Variants in CDK5RAP2 observed in about 807,000 individuals in gnomAD.
The protein encoded by CDK5RAP2 is CDK5 regulatory subunit-associated protein 2.
A neutral mutation model predicts 232.9 loss-of-function variants in CDK5RAP2; 147 were observed. The observed-to-expected ratio is 0.63, with a 90% CI of 0.55 to 0.72. The LOEUF (loss-of-function observed/expected upper bound fraction) is 0.72. Among genes scored for constraint, CDK5RAP2 ranks in the 30% least tolerant of loss-of-function variants. The pLI is 0.00. For missense variants in CDK5RAP2, 2,195 were observed against 2,231.5 expected (o/e 0.98, Z 0.33); for synonymous variants, 833 against 833.7 (o/e 1.00, Z 0.01).
chr9:120,389,656 C>T (rs1298845706), intron 37 of CDK5RAP2, 85 bp downstream of exon 37: 3 of 1,299,122 alleles, frequency 2.3e-6, no homozygotes, highest in Admixed American at 3.4e-5. Flanking sequence ...TCCACCTGCA[C>T]CTTCATTTTT....
At chr9:120,458,992 G>A (rs2036939751) in intron 19 of CDK5RAP2, among the ~76,000 whole-genome samples, 1 of 152,174 alleles carries the variant, frequency 6.6e-6, no homozygotes, top group Non-Finnish European at 1.5e-5. Flanking sequence ...GTGCACAATG[G>A]AAATGTGTTC....
chr9:120,530,412 G>A (rs894395010), intron 7 of CDK5RAP2, among the ~76,000 whole-genome samples: 6 of 152,054 alleles, frequency 3.9e-5, no homozygotes, highest in African/African-American at 9.7e-5. Context: ...TACCTTCAAC[G>A]GTCCCCACCA....
At chr9:120,531,725 T>C (rs1564346778) in intron 7 of CDK5RAP2, among the ~76,000 whole-genome samples, 1 of 152,164 alleles carries the variant, frequency 6.6e-6, no homozygotes, top group East Asian at 1.9e-4. Context: ...GAAGAAAGAT[T>C]TTGCAGTCAG....
At chr9:120,522,235 C>CAT (rs2040700104) in intron 11 of CDK5RAP2, among the ~76,000 whole-genome samples, 1 of 152,172 alleles carries the variant, frequency 6.6e-6, no homozygotes, top group Non-Finnish European at 1.5e-5. Flanking sequence ...ATGTCAATGA[C>CAT]CTGGCAGTGA....
intron 28 of CDK5RAP2, 116 bp from the exon 29 acceptor site, chr9:120,411,590 C>T (rs2033853551): frequency 1.4e-6 from 1 of 690,134 alleles, no homozygotes; most frequent in African/African-American, 1.8e-5. Flanking sequence ...GAAAATCCCT[C>T]CTGTTAACTA....
intron 35 of CDK5RAP2, among the ~76,000 whole-genome samples, chr9:120,397,590 A>G (rs1203533297): frequency 8.0e-5 from 12 of 149,604 alleles, no homozygotes; most frequent in Admixed American, 5.3e-4. Flanking sequence ...AAAAAAGCCC[A>G]ACACAGTATC....
Position 120,580,009 on chromosome 9 carries a change from T to TGTG in CDK5RAP2, c.-34_-32dup, listed in dbSNP as rs769538780. The TGTG allele has an allele frequency of 6.6e-7, 1 of 1,507,568 alleles. No homozygotes were observed. The highest frequency in any genetic ancestry group is 1.1e-5 in the South Asian group (1 of 88,012). The allele number at this position is 1,507,568 out of a possible 1,614,324, so 93.4% of individuals were successfully genotyped here. A position where few individuals can be genotyped will look rare whatever the true frequency, so the allele number is the denominator to read the frequency against. On this transcript the variant is annotated 5_prime_UTR_variant, in exon 1 of 38. Transcript: ENST00000349780. ...CAGAGGTGGCGACAGCGTTGGTGTC[T>TGTG]GTGGCGGCGGCGCCACTAGTACCCC...
chr9:120,393,970 A>C (rs1303815517), intron 36 of CDK5RAP2, among the ~76,000 whole-genome samples: 1 of 152,124 alleles, frequency 6.6e-6, no homozygotes, highest in Non-Finnish European at 1.5e-5. Flanking sequence ...TGCCACCTAC[A>C]GTCTTTCATG....
intron 12 of CDK5RAP2, among the ~76,000 whole-genome samples, chr9:120,512,240 T>C (rs1243889470): frequency 6.6e-6 from 1 of 152,140 alleles, no homozygotes; most frequent in Non-Finnish European, 1.5e-5. Context: ...TCCCAGCTAC[T>C]CAGGAGGCTG....
At chr9:120,477,642 T>C (rs1292397452) in intron 14 of CDK5RAP2, among the ~76,000 whole-genome samples, 192 bp from the exon 15 acceptor site, 44 of 152,166 alleles carry the variant, frequency 2.9e-4, no homozygotes, top group Admixed American at 2.9e-3. Flanking sequence ...TGACTGCCCA[T>C]CACTCATCCC....
At position 120,410,197 on chromosome 9, in the gene CDK5RAP2, CGGA is replaced by C. The variant is rs2033757710; in HGVS notation, c.4415-884_4415-882del. On this transcript the variant is annotated intron_variant, in intron 29 of 37. Coordinates refer to ENST00000349780, the MANE Select transcript of CDK5RAP2 (RefSeq NM_018249.6). Reference sequence around the variant, plus strand: ...GCCAGTAGGTGGCAGAACCAGAATTCGGACTCAGTCTGATTCCATTCTTAAACA... The same window carrying C: ...GCCAGTAGGTGGCAGAACCAGAATTCCTCAGTCTGATTCCATTCTTAAACA... Among the ~76,000 whole-genome samples, 5 of 152,308 alleles carry C rather than the reference CGGA, an allele frequency of 3.3e-5. No homozygotes were observed. The East Asian group carries it at 9.6e-4, about 29-fold the overall frequency.
At chr9:120,409,833 G>C (rs2033733416) in intron 29 of CDK5RAP2, among the ~76,000 whole-genome samples, 1 of 152,250 alleles carries the variant, frequency 6.6e-6, no homozygotes, top group Admixed American at 6.5e-5. Context: ...CCACATTCAA[G>C]AGCAGCTTCT....
chr9:120,409,062 G>T, intron 30 of CDK5RAP2, 65 bp downstream of exon 30: 1 of 1,513,690 alleles, frequency 6.6e-7, no homozygotes, highest in Non-Finnish European at 9.1e-7. Flanking sequence ...CTGATTCCAC[G>T]ACTGCAGCCC....
intron 12 of CDK5RAP2, among the ~76,000 whole-genome samples, chr9:120,497,120 T>C (rs1409843784): frequency 7.7e-6 from 1 of 129,660 alleles, no homozygotes; most frequent in Non-Finnish European, 1.5e-5. Context: ...CCCCCAACCC[T>C]GTGCTCTCTG....
Position 120,403,040 on chromosome 9 carries a change from G to A in CDK5RAP2, c.5073C>T (p.Asp1691=), listed in dbSNP as rs766384505. 5 of 1,614,204 alleles carry A rather than the reference G, an allele frequency of 3.1e-6. No homozygotes were observed. The East Asian group carries it at 8.9e-5, about 29-fold the overall frequency. Residue 1691 remains aspartate, a synonymous_variant, in exon 34 of 38, where the codon GAC becomes GAT. Coordinates refer to ENST00000349780, the MANE Select transcript of CDK5RAP2 (RefSeq NM_018249.6). This position sits in a 1 kb window ranked among gnomAD's most constrained non-coding sequence, Gnocchi z 4.2. ...CACTGTCGCAGGAGAGGGAGTCCGT[G>A]TCATTCCCAGAGAGTGGAGGAGTCT... The part of the protein sequence containing the change: ...VSETPPLSGN[D]TDSLSCDSGS...
chr9:120,451,860 T>G (rs891634447), intron 21 of CDK5RAP2, among the ~76,000 whole-genome samples: 1 of 146,904 alleles, frequency 6.8e-6, no homozygotes, highest in Non-Finnish European at 1.5e-5. Context: ...ATTATATATA[T>G]TATATATTAT....
chr9:120,409,043 G>T, intron 30 of CDK5RAP2, 84 bp downstream of exon 30: 2 of 1,303,726 alleles, frequency 1.5e-6, no homozygotes, highest in Non-Finnish European at 2.2e-6. Context: ...TAAGGCAGAG[G>T]CCTGCGTGCT....
intron 3 of CDK5RAP2, among the ~76,000 whole-genome samples, chr9:120,562,293 G>A (rs2042489294): frequency 6.6e-6 from 1 of 152,018 alleles, no homozygotes; most frequent in African/African-American, 2.4e-5. Flanking sequence ...ACACTACTCA[G>A]CCCTCCATCT....
At chr9:120,544,760 C>T (rs1406873086) in intron 5 of CDK5RAP2, among the ~76,000 whole-genome samples, 1 of 152,240 alleles carries the variant, frequency 6.6e-6, no homozygotes, top group Non-Finnish European at 1.5e-5. Flanking sequence ...ACTTAGCACA[C>T]TTTGGTGTTG....
Sources: gnomAD v4.1 joint callset for allele counts (sites outside exome capture counted in the v4.1 genomes callset) on GRCh38, gnomAD v4.1.1 for gene constraint, Gnocchi (gnomAD v3.1) non-coding constraint, MANE v1.5 for transcripts, NCBI Gene and HGNC (gene_info 2026-07-23, HGNC 2026-07-21) for gene names.